The following AKTIP variants were observed in gnomAD, a reference collection of about 807,000 sequenced individuals.
The protein encoded by AKTIP is AKT-interacting protein.
Under a neutral mutation model 39.1 loss-of-function variants are expected in AKTIP, and 16 were observed. That is an observed-to-expected ratio of 0.41 (90% CI 0.28 to 0.62). The LOEUF is 0.62. Among genes scored for constraint, AKTIP ranks in the 20% least tolerant of loss-of-function variants. The probability of loss-of-function intolerance (pLI) is 0.32; values close to 1 mark genes in which losing one functional copy is unlikely to be tolerated. For missense variants in AKTIP, 262 were observed against 356.6 expected (o/e 0.73, Z 2.14); for synonymous variants, 93 against 124.3 (o/e 0.75, Z 1.67).
intron 8 of AKTIP, 67 bp downstream of exon 8, chr16:53,494,071 C>T (rs1961671787): frequency 1.6e-5 from 20 of 1,242,122 alleles, no homozygotes; most frequent in Non-Finnish European, 1.8e-5. Flanking sequence ...TCTGAGACCA[C>T]CTGGAGAAAG....
At chr16:53,492,632 A>C in intron 9 of AKTIP, 61 bp downstream of exon 9, 1 of 1,605,376 alleles carries the variant, frequency 6.2e-7, no homozygotes, top group Non-Finnish European at 8.5e-7. Context: ...CAGTCTCCAA[A>C]TGAAGACATT....
intron 3 of AKTIP, among the ~76,000 whole-genome samples, chr16:53,496,499 CTTTTTT>C (rs576422100): frequency 3.8e-5 from 3 of 79,026 alleles, no homozygotes; most frequent in African/African-American, 1.5e-4. Context: ...GTCAAGGATG[CTTTTTT>C]TTTTTTTTTT....
At position 53,492,320 on chromosome 16, in the gene AKTIP, T is replaced by A; in HGVS notation, c.*92A>T. 9.1e-7 allele frequency: 1 copy of A among 1,098,076 alleles called. No individual in the cohort carries two copies. Among genetic ancestry groups the A allele is most frequent in the South Asian group, 1.4e-5 (1 of 72,940 alleles). 68.0% of individuals were successfully genotyped at this position (1,098,076 alleles called of 1,614,324 possible). ...TGGCAGTCAGTCATTGTTCACACAG[T>A]TTTACTCTTCAGGCAGTCCTCTGCC... On this transcript the variant is annotated 3_prime_UTR_variant, in exon 10 of 10. Transcript: ENST00000394657.
At chr16:53,492,915 C>T (rs1487452167) in intron 8 of AKTIP, 162 bp from the exon 9 acceptor site, 5 of 626,292 alleles carry the variant, frequency 8.0e-6, no homozygotes, top group South Asian at 4.0e-5. Flanking sequence ...AATTTTCTCA[C>T]ATAACTATCC....
Position 53,494,343 on chromosome 16 carries a change from C to T in AKTIP, c.598G>A (p.Val200Ile). 6.2e-7 allele frequency: 1 copy of T among 1,614,090 alleles called. No individual in the cohort carries two copies. The highest frequency in any genetic ancestry group is 8.5e-7 in the Non-Finnish European group (1 of 1,179,922). Residue 200 changes from valine (V) to isoleucine (I), a missense_variant, in exon 7 of 10, where the codon GTA (valine) becomes ATA (isoleucine). Val to Ile is a conservative substitution (Grantham distance 29). Coordinates refer to ENST00000394657, the MANE Select transcript of AKTIP (RefSeq NM_022476.4). The part of the protein sequence containing the change: ...TASPLNPEAA[V>I]LYEKDIQLFK... ...AACAAAGCAAAAGTTACATACAGTA[C>T]TGCAGCCTCTGGGTTCAGGGGGCTT...
intron 2 of AKTIP, 120 bp downstream of exon 2, chr16:53,500,098 C>G (rs1227268940): frequency 1.5e-6 from 1 of 679,866 alleles, no homozygotes; most frequent in African/African-American, 1.9e-5. Context: ...ACTAGAAAAA[C>G]CAGGTAATTT....
At chr16:53,501,572 T>C (rs181376809) in intron 1 of AKTIP, 3 of 152,256 alleles carry the variant, frequency 2.0e-5, no homozygotes, top group Admixed American at 2.0e-4. Flanking sequence ...ATCAAACGGC[T>C]GAAGGTGAAA....
intron 3 of AKTIP, among the ~76,000 whole-genome samples, chr16:53,496,499 CTT>C (rs576422100): frequency 9.1e-4 from 72 of 78,922 alleles, no homozygotes; most frequent in Middle Eastern, 9.4e-3. Context: ...GTCAAGGATG[CTT>C]TTTTTTTTTT....
At chr16:53,504,211 T>TA (rs1009395852), upstream of AKTIP, 1 of 152,006 alleles carries the variant, frequency 6.6e-6, no homozygotes, top group Non-Finnish European at 1.5e-5. Flanking sequence ...GGCCTGTTCT[T>TA]ACCAACGGTG....
At chr16:53,493,827 C>T (rs1961654556) in intron 8 of AKTIP, 2 of 313,368 alleles carry the variant, frequency 6.4e-6, no homozygotes, top group South Asian at 5.5e-5. Context: ...TTAAGAGGGG[C>T]TCCAGCTAAA....
intron 3 of AKTIP, among the ~76,000 whole-genome samples, chr16:53,497,874 G>A (rs756906288): frequency 6.6e-6 from 1 of 152,130 alleles, no homozygotes; most frequent in African/African-American, 2.4e-5. Flanking sequence ...TCAGCCTCCC[G>A]AGTAGCTGGG....
intron 3 of AKTIP, among the ~76,000 whole-genome samples, chr16:53,496,441 G>C (rs1961838787): frequency 6.6e-6 from 1 of 151,196 alleles, no homozygotes; most frequent in Admixed American, 6.6e-5. Flanking sequence ...AGTTACACTG[G>C]GGCCTCAGAC....
At chr16:53,494,977 AAGGT>A in intron 5 of AKTIP, 92 bp downstream of exon 5, 1 of 1,121,210 alleles carries the variant, frequency 8.9e-7, no homozygotes, top group South Asian at 1.3e-5. Flanking sequence ...ATAAATCATA[AAGGT>A]ACCAGGTCAG....
Position 53,492,387 on chromosome 16 carries a change from C to T in AKTIP, c.*25G>A. On this transcript the variant is annotated 3_prime_UTR_variant, in exon 10 of 10. Transcript: ENST00000394657. ...TAGGCCAGAGTCTAGCAGGAAAGTG[C>T]ATGGTGCACCAGATTCACCATCTCT... is the stretch of plus-strand genomic sequence containing the variant. 3 of 1,585,236 alleles carry T rather than the reference C, an allele frequency of 1.9e-6. No individual in the cohort carries two copies. The highest frequency in any genetic ancestry group is 2.6e-6 in the Non-Finnish European group (3 of 1,155,624).
chr16:53,498,267 G>A, intron 3 of AKTIP, 124 bp downstream of exon 3: 1 of 992,176 alleles, frequency 1.0e-6, no homozygotes, highest in East Asian at 2.4e-5. Context: ...TCTGATACTG[G>A]AAAGGGACAG....
At chr16:53,493,755 T>C (rs1961645708) in intron 8 of AKTIP, 1 of 211,310 alleles carries the variant, frequency 4.7e-6, no homozygotes, top group African/African-American at 2.3e-5. Flanking sequence ...GAACCCACCA[T>C]TCTCACACTA....
chr16:53,503,755 G>GC (rs1348170229), upstream of AKTIP, among the ~76,000 whole-genome samples: 1 of 152,236 alleles, frequency 6.6e-6, no homozygotes, highest in African/African-American at 2.4e-5. Context: ...GCGCTGCGAG[G>GC]CCCGAGGCCG....
chr16:53,500,996 G>A (rs1962135234), intron 1 of AKTIP: 1 of 152,182 alleles, frequency 6.6e-6, no homozygotes. Flanking sequence ...AGGAAAGCCA[G>A]ACTCAGAATG....
chr16:53,495,197 A>G (rs1428739586), intron 4 of AKTIP, 24 bp from the exon 5 acceptor site: 1 of 1,612,510 alleles, frequency 6.2e-7, no homozygotes, highest in Non-Finnish European at 8.5e-7. Context: ...TAAAAGAGTT[A>G]AGGCCTAAAT....
Sources: gnomAD v4.1 joint callset for allele counts (sites outside exome capture counted in the v4.1 genomes callset) on GRCh38, gnomAD v4.1.1 for gene constraint, MANE v1.5 for transcripts, NCBI Gene and HGNC (gene_info 2026-07-23, HGNC 2026-07-21) for gene names.